LEPR: variants seen among roughly 807,000 people sequenced by gnomAD.
LEPR encodes OB receptor.
A neutral mutation model predicts 114.7 loss-of-function variants in LEPR; 56 were observed. The ratio of observed to expected loss-of-function variants is 0.49; its 90% confidence interval spans 0.39 to 0.61. The LOEUF is 0.61. Among genes scored for constraint, LEPR ranks in the 20% least tolerant of loss-of-function variants. The pLI is 0.00. For missense variants in LEPR, 1,202 were observed against 1,352.9 expected (o/e 0.89, Z 1.75); for synonymous variants, 443 against 461.4 (o/e 0.96, Z 0.51).
intron 19 of LEPR, chr1:65,634,332 C>T (rs1164264859): frequency 2.0e-6 from 2 of 981,180 alleles, no homozygotes; most frequent in Admixed American, 1.2e-4. Flanking sequence ...TTCTTGACTT[C>T]TAATAGGTGT....
chr1:65,610,322 T>C (rs1034469882), intron 14 of LEPR, 26 bp downstream of exon 14: 1 of 1,553,692 alleles, frequency 6.4e-7, no homozygotes, highest in Non-Finnish European at 8.8e-7. Flanking sequence ...ATATTAATCT[T>C]AAATTGTATT....
At chr1:65,480,086 A>G (rs75755326) in intron 2 of LEPR, among the ~76,000 whole-genome samples, 3,829 of 152,256 alleles carry the variant, frequency 0.025, 170 homozygotes, top group African/African-American at 0.087. Context: ...TAGATTTGAG[A>G]AAAGTAGTCA....
At chr1:65,592,521 G>T (rs79816855) in intron 5 of LEPR, 136 bp from the exon 6 acceptor site, 18 of 707,438 alleles carry the variant, frequency 2.5e-5, no homozygotes, top group African/African-American at 3.8e-5. Flanking sequence ...CTAATGTAGG[G>T]TTTTTTTTTT....
At chr1:65,591,092 G>A (rs912193542) in intron 5 of LEPR, among the ~76,000 whole-genome samples, 2 of 151,664 alleles carry the variant, frequency 1.3e-5, no homozygotes, top group African/African-American at 4.8e-5. Context: ...TTTTTGATAT[G>A]TTTTTTGACC....
chr1:65,596,849 C>CT (rs566624878), intron 7 of LEPR, among the ~76,000 whole-genome samples: 10 of 151,766 alleles, frequency 6.6e-5, no homozygotes, highest in South Asian at 2.1e-4. Flanking sequence ...CTGATTTCAT[C>CT]TTTTTTTTAA....
intron 2 of LEPR, among the ~76,000 whole-genome samples, chr1:65,473,135 G>T (rs970985074): frequency 1.3e-5 from 2 of 152,178 alleles, no homozygotes; most frequent in African/African-American, 4.8e-5. Context: ...CTGTGCCAGG[G>T]TCTGTGCCAA....
rs36053447 is a variant in LEPR, at chr1:65,438,113, CT to C, written c.-21+12756del. ...GGTATGGGCCATGGCTCCTAGCCGC[CT>C]TTTTTTTTTTTTTTTTTTTTCAAAA... On this transcript the variant is annotated intron_variant, in intron 2 of 19. Coordinates refer to ENST00000349533, the MANE Select transcript of LEPR (RefSeq NM_002303.6). Among the ~76,000 whole-genome samples, 474 of 87,742 alleles carry C rather than the reference CT, an allele frequency of 5.4e-3. 1 individual carries two copies. The highest frequency in any genetic ancestry group is 0.019 in the African/African-American group (402 of 21,050). 57.6% of individuals were successfully genotyped at this position (87,742 alleles called of 152,430 possible). A position where few individuals can be genotyped will look rare whatever the true frequency, so the allele number is the denominator to read the frequency against.
chr1:65,433,362 G>A, intron 2 of LEPR: 2 of 985,332 alleles, frequency 2.0e-6, no homozygotes, highest in East Asian at 2.3e-4. Context: ...TGAATCATTG[G>A]GTATACCTGT....
At chr1:65,432,819 C>T (rs571919090) in intron 2 of LEPR, 66 of 590,036 alleles carry the variant, frequency 1.1e-4, no homozygotes, top group African/African-American at 1.1e-3. Context: ...CTAATGTTCT[C>T]ATAAAAAAGT....
At chr1:65,506,039 G>C (rs1648710013) in intron 2 of LEPR, among the ~76,000 whole-genome samples, 1 of 152,166 alleles carries the variant, frequency 6.6e-6, no homozygotes, top group South Asian at 2.1e-4. Flanking sequence ...GCAAAAGTAA[G>C]AGCTGGCAAA....
At chr1:65,470,442 G>C (rs1647068979) in intron 2 of LEPR, among the ~76,000 whole-genome samples, 2 of 152,178 alleles carry the variant, frequency 1.3e-5, no homozygotes, top group African/African-American at 4.8e-5. Context: ...TTCTAGTTCT[G>C]CCTGGTGAGT....
intron 7 of LEPR, among the ~76,000 whole-genome samples, chr1:65,597,099 C>T (rs1378070603): frequency 6.6e-6 from 1 of 152,018 alleles, no homozygotes; most frequent in Non-Finnish European, 1.5e-5. Context: ...GTTTGATCAC[C>T]ATGGCCTGTC....
At chr1:65,522,975 A>G (rs1649710094) in intron 2 of LEPR, among the ~76,000 whole-genome samples, 1 of 151,896 alleles carries the variant, frequency 6.6e-6, no homozygotes. Flanking sequence ...CTTGGTATTT[A>G]CTCATGTATT....
chr1:65,537,247 T>G (rs1046736842), intron 2 of LEPR, among the ~76,000 whole-genome samples: 2 of 152,180 alleles, frequency 1.3e-5, no homozygotes, highest in African/African-American at 2.4e-5. Context: ...CCCATAGTAC[T>G]TTATTTAATG....
In LEPR at chr1:65,426,902, G is replaced by A. The variant is rs547821147; in HGVS notation, c.-21+1524G>A. Among the ~76,000 whole-genome samples the A allele has an allele frequency of 2.6e-5, 4 of 152,296 alleles. No individual in the cohort carries two copies. In the East Asian group the frequency reaches 7.7e-4, roughly 29 times the overall value. ...ATTCCCAGCTACTTAGGAGGCTGAG[G>A]CAGGAGAATTGCTTGAACACAGGAG... On this transcript the variant is annotated intron_variant, in intron 2 of 19. Coordinates refer to ENST00000349533, the MANE Select transcript of LEPR (RefSeq NM_002303.6).
At chr1:65,636,044 A>G (rs1658708407) in intron 19 of LEPR, 147 bp from the exon 20 acceptor site, 3 of 839,856 alleles carry the variant, frequency 3.6e-6, no homozygotes, top group Non-Finnish European at 5.6e-6. Context: ...GCTTTTTGAT[A>G]TATGTATTTT....
intron 2 of LEPR, among the ~76,000 whole-genome samples, chr1:65,443,282 A>G (rs1180484749): frequency 2.0e-5 from 3 of 152,116 alleles, no homozygotes; most frequent in Non-Finnish European, 4.4e-5. Flanking sequence ...CACTGGGCAC[A>G]GTGGCTTAAG....
At chr1:65,545,884 T>A (rs995487932) in intron 2 of LEPR, among the ~76,000 whole-genome samples, 3 of 151,972 alleles carry the variant, frequency 2.0e-5, no homozygotes, top group African/African-American at 7.3e-5. Flanking sequence ...TCCTTGCCCA[T>A]GCCTATGTCC....
At chr1:65,475,473 A>C (rs1156603756) in intron 2 of LEPR, among the ~76,000 whole-genome samples, 3 of 152,214 alleles carry the variant, frequency 2.0e-5, no homozygotes, top group Non-Finnish European at 4.4e-5. Context: ...GCTCATCCTT[A>C]TGGTGGTATC....
Sources: gnomAD v4.1 joint callset for allele counts (sites outside exome capture counted in the v4.1 genomes callset) on GRCh38, gnomAD v4.1.1 for gene constraint, MANE v1.5 for transcripts, NCBI Gene and HGNC (gene_info 2026-07-23, HGNC 2026-07-21) for gene names.